Variants in EFCAB6 observed in about 807,000 individuals in gnomAD.
EFCAB6 encodes EF-hand calcium binding domain 6.
EFCAB6 carries 156 observed loss-of-function variants against 169.8 expected under a neutral mutation model. The observed-to-expected ratio is 0.92, with a 90% CI of 0.81 to 1.05. EFCAB6 has a LOEUF of 1.05. Ranked by LOEUF, EFCAB6 falls within the 50% of genes least tolerant of loss-of-function variation. The pLI is 0.00. For missense variants in EFCAB6, 1,800 were observed against 1,829.1 expected, an observed-to-expected ratio of 0.98 and a Z score of 0.29; for synonymous variants, 698 against 676.4, an observed-to-expected ratio of 1.03 and a Z score of -0.50.
chr22:43,595,747 A>G (rs1447542138), intron 23 of EFCAB6, among the ~76,000 whole-genome samples: 2 of 152,172 alleles, frequency 1.3e-5, no homozygotes, highest in Admixed American at 1.3e-4. Flanking sequence ...AACTTATTCT[A>G]TAAGGCCAGT....
intron 19 of EFCAB6, among the ~76,000 whole-genome samples, 159 bp from the exon 20 acceptor site, chr22:43,626,838 T>C (rs1368311331): frequency 6.6e-6 from 1 of 152,178 alleles, no homozygotes; most frequent in Non-Finnish European, 1.5e-5. Context: ...AGGAATATCC[T>C]TGCCATGCTT....
chr22:43,731,961 G>T, intron 7 of EFCAB6, 150 bp from the exon 8 acceptor site: 1 of 481,514 alleles, frequency 2.1e-6, no homozygotes, highest in Non-Finnish European at 3.5e-6. Context: ...CCCAGAAAAT[G>T]TTACTGTCAG....
intron 1 of EFCAB6, among the ~76,000 whole-genome samples, chr22:43,809,897 C>T (rs776712207): frequency 5.3e-5 from 8 of 152,086 alleles, no homozygotes; most frequent in Admixed American, 2.6e-4. Flanking sequence ...TGAGCCACCG[C>T]GCACAGCCTG....
At chr22:43,543,090 C>A (rs1308684006) in intron 27 of EFCAB6, among the ~76,000 whole-genome samples, 1 of 152,160 alleles carries the variant, frequency 6.6e-6, no homozygotes, top group Non-Finnish European at 1.5e-5. Flanking sequence ...CACAGTTCTT[C>A]CCCTGAGCCC....
At chr22:43,715,578 T>C (rs1054963299) in intron 9 of EFCAB6, among the ~76,000 whole-genome samples, 1 of 152,186 alleles carries the variant, frequency 6.6e-6, no homozygotes, top group Non-Finnish European at 1.5e-5. Flanking sequence ...CTTATAAAAT[T>C]ATTTCTATCT....
rs199885194 is a variant in EFCAB6, at chr22:43,604,060, C to CT, written c.2682-3798dup. Among the ~76,000 whole-genome samples, 738 of 151,518 alleles carry CT rather than the reference C, an allele frequency of 4.9e-3. 8 individuals are homozygous for CT. Among genetic ancestry groups the CT allele is most frequent in the African/African-American group, 0.017 (697 of 41,262 alleles). On this transcript the variant is annotated intron_variant, in intron 22 of 31. Transcript: ENST00000262726. ...TCTGGCCACAAGAAGCGCTGGCTCC[C>CT]TTTTTTTTTCCTTCCACCATGATTG...
At chr22:43,609,103 G>A (rs2053126618) in intron 21 of EFCAB6, among the ~76,000 whole-genome samples, 1 of 152,180 alleles carries the variant, frequency 6.6e-6, no homozygotes, top group Non-Finnish European at 1.5e-5. Context: ...AAGCTAACAC[G>A]TGTGGTTCTC....
chr22:43,610,154 T>C (rs1373652599), intron 21 of EFCAB6, among the ~76,000 whole-genome samples: 1 of 152,220 alleles, frequency 6.6e-6, no homozygotes, highest in Non-Finnish European at 1.5e-5. Context: ...TACAGAGAGA[T>C]GTTAGTAAAT....
intron 26 of EFCAB6, among the ~76,000 whole-genome samples, chr22:43,564,940 T>A (rs1040857254): frequency 6.6e-6 from 1 of 152,214 alleles, no homozygotes; most frequent in Non-Finnish European, 1.5e-5. Context: ...GCACGTGCGT[T>A]TGCTTTCTTG....
chr22:43,779,726 C>G (rs939327641), intron 3 of EFCAB6, among the ~76,000 whole-genome samples: 3 of 151,772 alleles, frequency 2.0e-5, no homozygotes, highest in Non-Finnish European at 4.4e-5. Flanking sequence ...GGCAACAGGG[C>G]GAGACTCCGC....
intron 17 of EFCAB6, among the ~76,000 whole-genome samples, chr22:43,658,470 C>A (rs1348630067): frequency 1.2e-4 from 19 of 152,060 alleles, no homozygotes; most frequent in Non-Finnish European, 2.9e-5. Context: ...CCGGGTGGGC[C>A]CAAGTTATGA....
At chr22:43,570,768 C>T (rs1020515975) in intron 26 of EFCAB6, among the ~76,000 whole-genome samples, 2 of 152,186 alleles carry the variant, frequency 1.3e-5, no homozygotes, top group East Asian at 1.9e-4. Flanking sequence ...CTCCTTGCTC[C>T]GGTCTGAAAA....
At chr22:43,794,035 A>T (rs67655890) in intron 2 of EFCAB6, among the ~76,000 whole-genome samples, 24,711 of 152,050 alleles carry the variant, frequency 0.16, 2,072 homozygotes, top group South Asian at 0.22. Flanking sequence ...AGAAATGTAC[A>T]TTTCCAGGCT....
chr22:43,612,008 A>G (rs1282367896), intron 21 of EFCAB6, among the ~76,000 whole-genome samples: 1 of 152,174 alleles, frequency 6.6e-6, no homozygotes, highest in African/African-American at 2.4e-5. Context: ...ATAAGACTGC[A>G]CACCTACAAC....
intron 6 of EFCAB6, among the ~76,000 whole-genome samples, chr22:43,748,763 C>T (rs554809491): frequency 3.9e-5 from 6 of 152,260 alleles, no homozygotes; most frequent in South Asian, 4.2e-4. Flanking sequence ...GAATGTTCTA[C>T]GTGTTACGGA....
chr22:43,723,741 C>T (rs1452956046), intron 8 of EFCAB6, among the ~76,000 whole-genome samples: 1 of 152,200 alleles, frequency 6.6e-6, no homozygotes, highest in Non-Finnish European at 1.5e-5. Flanking sequence ...CACATCTGGG[C>T]CCACGTGAGC....
intron 9 of EFCAB6, among the ~76,000 whole-genome samples, chr22:43,713,250 G>A (rs532869946): frequency 3.9e-5 from 6 of 152,088 alleles, no homozygotes; most frequent in Non-Finnish European, 7.4e-5. Flanking sequence ...AGCAGAGATC[G>A]TATCTGTTTT....
chr22:43,531,175 C>T (rs2047041247), intron 30 of EFCAB6, among the ~76,000 whole-genome samples: 1 of 152,180 alleles, frequency 6.6e-6, no homozygotes, highest in Non-Finnish European at 1.5e-5. Context: ...TGTTTAAAAA[C>T]GTGTATTACA....
chr22:43,695,240 T>A (rs1296192178), intron 10 of EFCAB6, among the ~76,000 whole-genome samples: 1 of 151,998 alleles, frequency 6.6e-6, no homozygotes, highest in African/African-American at 2.4e-5. Context: ...TTTTAAAAAA[T>A]TCCATGTACA....
Sources: allele counts gnomAD v4.1 joint callset (sites outside exome capture counted in the v4.1 genomes callset), GRCh38; gene constraint gnomAD v4.1.1; transcripts MANE v1.5; gene names NCBI Gene and HGNC (gene_info 2026-07-23, HGNC 2026-07-21).